VPS13D: variants seen among roughly 807,000 people sequenced by gnomAD.
VPS13D encodes vacuolar protein sorting 13 homolog D.
Under a neutral mutation model 461.9 loss-of-function variants are expected in VPS13D, and 187 were observed. That is an observed-to-expected ratio of 0.40 (90% CI 0.36 to 0.46). VPS13D has a LOEUF of 0.46. VPS13D is among the 20% of genes least tolerant of loss of function. VPS13D has a pLI of 0.60. For missense variants in VPS13D, 4,711 were observed against 5,364.9 expected, an observed-to-expected ratio of 0.88 and a Z score of 3.81; for synonymous variants, 1,951 against 1,986.3, an observed-to-expected ratio of 0.98 and a Z score of 0.47.
chr1:12,496,760 C>A (rs1645963417), intron 67 of VPS13D, among the ~76,000 whole-genome samples: 1 of 152,226 alleles, frequency 6.6e-6, no homozygotes, highest in African/African-American at 2.4e-5. Context: ...CAACATCAGC[C>A]TACCCTGAAA....
rs1222974706 is a variant in VPS13D at position 12,333,347 on chromosome 1, T to C, written c.8409T>C (p.Asn2803=). 6.8e-6 allele frequency: 11 copies of C among 1,614,178 alleles called. No homozygotes were observed. Among genetic ancestry groups the C allele is most frequent in the Non-Finnish European group, 9.3e-6 (11 of 1,180,014 alleles). ...AGGCCAAACCTCGTTTGGATATCAA[T>C]ATCACTTCTGTGCTAATTGGTGAGT... is the stretch of plus-strand genomic sequence containing the variant. The part of the protein sequence containing the change: ...EAKAKPRLDI[N]ITSVLIDQYV... The change falls in exon 38 of 70, where the codon AAT becomes AAC. Residue 2803 remains asparagine (N), a synonymous_variant. Coordinates refer to ENST00000620676, the MANE Select transcript of VPS13D (RefSeq NM_015378.4).
At chr1:12,454,701 C>A (rs1328220413) in intron 65 of VPS13D, among the ~76,000 whole-genome samples, 2 of 152,234 alleles carry the variant, frequency 1.3e-5, no homozygotes, top group Non-Finnish European at 2.9e-5. Flanking sequence ...CGCACCCTAA[C>A]CCCCTTGCCA....
In VPS13D at chr1:12,267,881, C is replaced by T; in HGVS notation, c.1762C>T (p.Leu588=). 1 of 1,614,086 alleles carries T rather than the reference C, an allele frequency of 6.2e-7. No individual in the cohort carries two copies. The highest frequency in any genetic ancestry group is 8.5e-7 in the Non-Finnish European group (1 of 1,179,976). ...EVGRVSQSFG[L]QTTSADRSDH... is the part of the protein sequence containing the mutation. ...TGGCAGAGTCTCACAATCTTTTGGT[C>T]TACAAACTACATCTGCAGACAGAAG... The change falls in exon 15 of 70, where the codon CTA becomes TTA. Residue 588 remains leucine (L), a synonymous_variant. Coordinates refer to ENST00000620676, the MANE Select transcript of VPS13D (RefSeq NM_015378.4).
In VPS13D at chr1:12,373,777, G is replaced by A. The variant is rs1188307894; in HGVS notation, c.10836G>A (p.Val3612=). 6.4e-7 allele frequency: 1 copy of A among 1,560,998 alleles called. No individual in the cohort carries two copies. The highest frequency in any genetic ancestry group is 1.2e-5 in the South Asian group (1 of 82,722). ...TGCAGGAGGGAACAGGCAGGCCTGT[G>A]GCTTCCAACAAGGCCATTACCTGTG... ...SGLQEGTGRP[V]ASNKAITCAE... The change falls in exon 55 of 70, where the codon GTG becomes GTA. Residue 3612 remains valine, a synonymous_variant. Transcript: ENST00000620676.
chr1:12,493,573 A>G (rs1045790122), intron 67 of VPS13D, among the ~76,000 whole-genome samples: 4 of 152,046 alleles, frequency 2.6e-5, no homozygotes, highest in Non-Finnish European at 5.9e-5. Flanking sequence ...AAAAATGGAC[A>G]CACTGTCACT....
intron 68 of VPS13D, among the ~76,000 whole-genome samples, chr1:12,499,106 G>C (rs540125415): frequency 2.3e-4 from 35 of 152,142 alleles, no homozygotes; most frequent in African/African-American, 8.2e-4. Context: ...TTGCTTTGTA[G>C]ATGGAACTTT....
intron 67 of VPS13D, among the ~76,000 whole-genome samples, chr1:12,461,177 G>A (rs1645407939): frequency 6.6e-6 from 1 of 152,166 alleles, no homozygotes; most frequent in African/African-American, 2.4e-5. Flanking sequence ...AGCTAGACTC[G>A]ACTTAAGCCC....
chr1:12,282,614 G>T, intron 20 of VPS13D, 91 bp from the exon 21 acceptor site: 1 of 1,227,892 alleles, frequency 8.1e-7, no homozygotes, highest in Non-Finnish European at 1.2e-6. Context: ...GCCTCATGTA[G>T]GAATCATGTG....
At chr1:12,293,829 AT>A in intron 24 of VPS13D, 125 bp downstream of exon 24, 1 of 959,032 alleles carries the variant, frequency 1.0e-6, no homozygotes, top group Middle Eastern at 3.4e-4. Context: ...CTCCGTGTAG[AT>A]TAGCTACAGA....
In VPS13D at chr1:12,299,933, CA is replaced by C. The variant is rs1338145058; in HGVS notation, c.6216+550del. Among the ~76,000 whole-genome samples the C allele has an allele frequency of 1.3e-5, 2 of 148,514 alleles. No individual in the cohort carries two copies. The highest frequency in any genetic ancestry group is 1.5e-5 in the Non-Finnish European group (1 of 67,464). On this transcript the variant is annotated intron_variant, in intron 25 of 69. Transcript: ENST00000620676. The surrounding 1 kb of genome is among the most constrained non-coding windows in gnomAD (Gnocchi z 4.2). ...TTTTTTTCAACTTTTGTTTTAGATA[CA>C]GGGGGTACATGTGCAGGTTTCTTAG...
intron 65 of VPS13D, among the ~76,000 whole-genome samples, chr1:12,420,612 T>C (rs1644851070): frequency 6.6e-6 from 1 of 152,230 alleles, no homozygotes; most frequent in Admixed American, 6.5e-5. Context: ...AATGTTTCTT[T>C]TGTATCCTCA....
Position 12,321,795 on chromosome 1 carries a change from A to T in VPS13D, c.7549-14A>T. On this transcript the variant is annotated splice_polypyrimidine_tract_variant and intron_variant, in intron 32 of 69. Transcript: ENST00000620676. ...CAGACATTAATTCTCGCCATATTGC[A>T]TTTCATTCTGTAGGTGTTTTCATGC... is the stretch of plus-strand genomic sequence containing the variant. The T allele has an allele frequency of 6.3e-7, 1 of 1,593,572 alleles. No individual in the cohort carries two copies. Among genetic ancestry groups the T allele is most frequent in the Non-Finnish European group, 8.5e-7 (1 of 1,173,510 alleles).
chr1:12,267,533 G>T (rs770529723), intron 14 of VPS13D, among the ~76,000 whole-genome samples: 1 of 152,128 alleles, frequency 6.6e-6, no homozygotes, highest in Non-Finnish European at 1.5e-5. Flanking sequence ...TTGGGGGAAC[G>T]TTATGGAGAG....
intron 7 of VPS13D, among the ~76,000 whole-genome samples, chr1:12,255,989 T>TA (rs1406892529): frequency 2.0e-5 from 3 of 151,996 alleles, no homozygotes; most frequent in Non-Finnish European, 4.4e-5. Context: ...TGGATTTTGA[T>TA]ATAATACACT....
intron 42 of VPS13D, 76 bp from the exon 43 acceptor site, chr1:12,345,298 A>G: frequency 2.0e-6 from 3 of 1,515,280 alleles, no homozygotes; most frequent in African/African-American, 1.4e-5. Context: ...ACTAAATCAG[A>G]TTTGTGTCTT....
intron 54 of VPS13D, among the ~76,000 whole-genome samples, chr1:12,371,695 T>C (rs966182931): frequency 2.6e-5 from 4 of 151,892 alleles, no homozygotes; most frequent in African/African-American, 7.3e-5. Flanking sequence ...TCCTGGCCCA[T>C]TTTTTTTATG....
Position 12,276,426 on chromosome 1 carries a change from C to T in VPS13D, c.2838C>T (p.Arg946=), listed in dbSNP as rs755308689. The change falls in exon 19 of 70, where the codon CGC becomes CGT. Residue 946 remains arginine (R), a synonymous_variant. Transcript: ENST00000620676. This position sits in a 1 kb window ranked among gnomAD's most constrained non-coding sequence, Gnocchi z 4.5. ...QSIVLLEQHT[R]EVLVESQLLL... is the part of the protein sequence containing the mutation. Reference sequence around the variant, plus strand: ...TTGTGTTGTTGGAGCAGCATACCCGCGAGGTTCTGGTGGAGTCGCAGCTCC... The same window carrying T: ...TTGTGTTGTTGGAGCAGCATACCCGTGAGGTTCTGGTGGAGTCGCAGCTCC... 20 of 1,614,012 alleles carry T rather than the reference C, an allele frequency of 1.2e-5. No individual in the cohort carries two copies. The highest frequency in any genetic ancestry group is 1.6e-4 in the Middle Eastern group (1 of 6,084).
intron 27 of VPS13D, 35 bp from the exon 28 acceptor site, chr1:12,311,419 T>G: frequency 6.3e-7 from 1 of 1,577,504 alleles, no homozygotes; most frequent in Non-Finnish European, 8.6e-7. Flanking sequence ...AGTTAGTGAC[T>G]TGTCTGTGTA....
In VPS13D at chr1:12,408,844, C is replaced by T. The variant is rs148572607; in HGVS notation, c.12030+4871C>T. Among the ~76,000 whole-genome samples the T allele has an allele frequency of 2.0e-3, 305 of 152,308 alleles. 2 individuals are homozygous for T. The highest frequency in any genetic ancestry group is 3.2e-3 in the Non-Finnish European group (221 of 68,026). On this transcript the variant is annotated intron_variant, in intron 63 of 69. Coordinates refer to ENST00000620676, the MANE Select transcript of VPS13D (RefSeq NM_015378.4). ...TTGACATCTGTCCTTTCTGGTTCTC[C>T]TCTTGCTCTGTTGCTTCTCTGCCTA...
Sources: gnomAD v4.1 joint callset for allele counts (sites outside exome capture counted in the v4.1 genomes callset) on GRCh38, gnomAD v4.1.1 for gene constraint, Gnocchi (gnomAD v3.1) non-coding constraint, MANE v1.5 for transcripts, NCBI Gene and HGNC (gene_info 2026-07-23, HGNC 2026-07-21) for gene names.